Variants in ARHGEF38 observed in about 807,000 individuals in gnomAD.
The protein encoded by ARHGEF38 is Rho guanine nucleotide exchange factor 38.
In ARHGEF38, 79 loss-of-function variants were observed where a neutral mutation model predicts 79.9. That is an observed-to-expected ratio of 0.99 (90% CI 0.82 to 1.19). ARHGEF38 has a LOEUF of 1.19. Ranked by LOEUF, ARHGEF38 falls within the 50% of genes most tolerant of loss-of-function variation. The pLI, the probability that ARHGEF38 is intolerant of heterozygous loss-of-function variation, is 0.00. For synonymous variants in ARHGEF38, 366 were observed against 328.3 expected (o/e 1.11, Z -1.24); for missense variants, 962 against 907.2 (o/e 1.06, Z -0.78).
chr4:105,641,521 A>G (rs1868021), intron 5 of ARHGEF38, among the ~76,000 whole-genome samples: 146,515 of 152,208 alleles, frequency 0.96, 70,539 homozygotes, highest in East Asian at 1. Flanking sequence ...TGACTTAGGT[A>G]TTTTAAAAGG....
Position 105,631,822 on chromosome 4 carries a change from G to A in ARHGEF38, c.656+777G>A, listed in dbSNP as rs186804377. 1.1e-4 allele frequency: 43 copies of A among 403,748 alleles called. 1 individual carries two copies. The East Asian group carries it at 5.9e-3, about 56-fold the overall frequency. 25.0% of individuals were successfully genotyped at this position (403,748 alleles called of 1,614,324 possible). On this transcript the variant is annotated intron_variant, in intron 4 of 13. Transcript: ENST00000420470. ...AGTTTCCTATCACATGAAGCTTAAA[G>A]CCAAAATCACTACCATACTCCACAT...
intron 1 of ARHGEF38, among the ~76,000 whole-genome samples, chr4:105,553,409 T>A (rs1305023125): frequency 6.6e-6 from 1 of 152,166 alleles, no homozygotes; most frequent in Non-Finnish European, 1.5e-5. Flanking sequence ...TTATCTTAAA[T>A]AGGGGCATGA....
chr4:105,576,942 T>C (rs1301910204), intron 1 of ARHGEF38, among the ~76,000 whole-genome samples: 1 of 152,188 alleles, frequency 6.6e-6, no homozygotes, highest in Non-Finnish European at 1.5e-5. Context: ...TGTTTAACCA[T>C]CTCGGCAACC....
In ARHGEF38 at chr4:105,645,336, G is replaced by C. The variant is rs558997976; in HGVS notation, c.823G>C (p.Val275Leu). The C allele has an allele frequency of 1.0e-5, 16 of 1,533,040 alleles. No individual in the cohort carries two copies. In the South Asian group the frequency reaches 1.4e-4, roughly 14 times the overall value. The allele number at this position is 1,533,040 out of a possible 1,614,324, so 95.0% of individuals were successfully genotyped here. Residue 275 changes from valine to leucine, a missense_variant, in exon 6 of 14, where the codon GTG becomes CTG. Coordinates refer to ENST00000420470, the MANE Select transcript of ARHGEF38 (RefSeq NM_001242729.2). ...YRALDDAFAAVKDINVNINEL... is the reference protein window; with the variant it reads ...YRALDDAFAALKDINVNINEL... ...AGCACTGGACGATGCCTTTGCTGCT[G>C]TGAAGGACATTAATGTTAACATCAA... is the stretch of plus-strand genomic sequence containing the variant.
intron 1 of ARHGEF38, among the ~76,000 whole-genome samples, chr4:105,564,030 G>A (rs975867630): frequency 6.6e-6 from 1 of 152,020 alleles, no homozygotes; most frequent in African/African-American, 2.4e-5. Flanking sequence ...CCTGGATTAG[G>A]GTACTCAGTG....
At chr4:105,631,560 A>G (rs1729194979) in intron 4 of ARHGEF38, 1 of 985,348 alleles carries the variant, frequency 1.0e-6, no homozygotes, top group Non-Finnish European at 1.2e-6. Context: ...TCTCATCCCT[A>G]AAACATTGGT....
At chr4:105,577,678 T>C (rs28769902) in intron 1 of ARHGEF38, among the ~76,000 whole-genome samples, 20,901 of 152,100 alleles carry the variant, frequency 0.14, 1,839 homozygotes, top group African/African-American at 0.24. Context: ...TTTCCAGGAA[T>C]GTATCCATTT....
chr4:105,663,467 C>T (rs987221332), intron 10 of ARHGEF38, among the ~76,000 whole-genome samples: 2 of 152,124 alleles, frequency 1.3e-5, no homozygotes, highest in African/African-American at 4.8e-5. Flanking sequence ...TCCCCATACT[C>T]CCCTCCCCCA....
At chr4:105,553,288 T>G (rs1284917447) in intron 1 of ARHGEF38, among the ~76,000 whole-genome samples, 2 of 152,148 alleles carry the variant, frequency 1.3e-5, no homozygotes, top group African/African-American at 4.8e-5. Flanking sequence ...TGGGAAACAC[T>G]GGAAAGCAAA....
At chr4:105,564,993 C>T (rs1035768578) in intron 1 of ARHGEF38, among the ~76,000 whole-genome samples, 3 of 152,198 alleles carry the variant, frequency 2.0e-5, no homozygotes, top group Non-Finnish European at 4.4e-5. Context: ...CTGAAGTACC[C>T]ATTTATTTAA....
intron 7 of ARHGEF38, among the ~76,000 whole-genome samples, chr4:105,652,488 G>A (rs1246358873): frequency 6.6e-6 from 1 of 152,142 alleles, no homozygotes; most frequent in Non-Finnish European, 1.5e-5. Flanking sequence ...TTTATAGAAT[G>A]GGTGACATTT....
chr4:105,573,724 A>T (rs964901742), intron 1 of ARHGEF38, among the ~76,000 whole-genome samples: 1 of 149,608 alleles, frequency 6.7e-6, no homozygotes, highest in Non-Finnish European at 1.5e-5. Context: ...GATGCCATGT[A>T]AGTTTTAGGA....
At chr4:105,590,468 A>G (rs7698772) in intron 2 of ARHGEF38, among the ~76,000 whole-genome samples, 3,386 of 152,350 alleles carry the variant, frequency 0.022, 132 homozygotes, top group African/African-American at 0.077. Context: ...ACACTTACAT[A>G]TACATATACA....
At chr4:105,567,182 T>C (rs1473688277) in intron 1 of ARHGEF38, among the ~76,000 whole-genome samples, 1 of 152,252 alleles carries the variant, frequency 6.6e-6, no homozygotes, top group African/African-American at 2.4e-5. Flanking sequence ...TCCATGTTGT[T>C]GCAAATGATG....
chr4:105,578,858 A>G (rs1053024336), intron 1 of ARHGEF38, among the ~76,000 whole-genome samples: 1 of 152,140 alleles, frequency 6.6e-6, no homozygotes, highest in Non-Finnish European at 1.5e-5. Context: ...TTAATCCATT[A>G]TGCCAATCTG....
At chr4:105,608,619 C>T (rs1298939890) in intron 2 of ARHGEF38, among the ~76,000 whole-genome samples, 1 of 151,914 alleles carries the variant, frequency 6.6e-6, no homozygotes, top group Non-Finnish European at 1.5e-5. Flanking sequence ...TGTGTTGGGA[C>T]ATTCCAAATC....
chr4:105,680,255 G>A lies in ARHGEF38; in HGVS notation c.*2318G>A. ...CTGTAGTTATATAATCTTACATAAA[G>A]CATATGCAAAATAGAAAAATGATAG... is the stretch of plus-strand genomic sequence containing the variant. On this transcript the variant is annotated 3_prime_UTR_variant, in exon 14 of 14. Coordinates refer to ENST00000420470, the MANE Select transcript of ARHGEF38 (RefSeq NM_001242729.2). 2.7e-6 allele frequency: 1 copy of A among 376,606 alleles called. No homozygotes were observed. Among genetic ancestry groups the A allele is most frequent in the South Asian group, 2.7e-5 (1 of 37,678 alleles). 23.3% of individuals were successfully genotyped at this position (376,606 alleles called of 1,614,324 possible). A position where few individuals can be genotyped will look rare whatever the true frequency, so the allele number is the denominator to read the frequency against.
chr4:105,652,184 A>G (rs1295588541), intron 7 of ARHGEF38, among the ~76,000 whole-genome samples: 2 of 152,218 alleles, frequency 1.3e-5, no homozygotes, highest in East Asian at 1.9e-4. Flanking sequence ...AATCTCTGCC[A>G]TACCTCCTGA....
intron 2 of ARHGEF38, among the ~76,000 whole-genome samples, chr4:105,611,791 G>A (rs1382455635): frequency 6.6e-6 from 1 of 152,058 alleles, no homozygotes; most frequent in African/African-American, 2.4e-5. Context: ...GTAATAATTA[G>A]TATGGAATTA....
Sources: gnomAD v4.1 joint callset for allele counts (sites outside exome capture counted in the v4.1 genomes callset) on GRCh38, gnomAD v4.1.1 for gene constraint, MANE v1.5 for transcripts, NCBI Gene and HGNC (gene_info 2026-07-23, HGNC 2026-07-21) for gene names.